The following C12orf50 variants were observed in gnomAD, a reference collection of about 807,000 sequenced individuals.
The protein encoded by C12orf50 is zinc finger CCCH-type containing 11D.
C12orf50 carries 35 observed loss-of-function variants against 61.6 expected under a neutral mutation model. The observed-to-expected ratio is 0.57, with a 90% confidence interval of 0.43 to 0.75. C12orf50 has a LOEUF of 0.75. C12orf50 is among the 30% of genes least tolerant of loss of function. The pLI, the probability that C12orf50 is intolerant of heterozygous loss-of-function variation, is 0.00. For synonymous variants in C12orf50, 178 were observed against 161.5 expected (o/e 1.10, Z -0.77); for missense variants, 475 against 488.5 (o/e 0.97, Z 0.26).
At chr12:87,985,570 T>G in intron 11 of C12orf50, 1 of 417,192 alleles carries the variant, frequency 2.4e-6, no homozygotes, top group Non-Finnish European at 4.3e-6. Context: ...CTGAGTGACA[T>G]GAAGCTGTCC....
intron 12 of C12orf50, among the ~76,000 whole-genome samples, chr12:87,982,815 G>C (rs1372307442): frequency 1.3e-5 from 2 of 148,666 alleles, no homozygotes; most frequent in Admixed American, 1.3e-4. Flanking sequence ...AAAAAAAAAT[G>C]CATCTTAACG....
Position 87,985,949 on chromosome 12 carries a change from T to A in C12orf50, c.1027A>T (p.Arg343Trp). Reference sequence around the variant, plus strand: ...GAAGGTGCATTCAACGCGACAGTCCTGACAGCATCTCTTTGAACGTGGATA... The same window carrying A: ...GAAGGTGCATTCAACGCGACAGTCCAGACAGCATCTCTTTGAACGTGGATA... ...SYIHVQRDAV[R>W]TVALNAPSRS... The change falls in exon 11 of 13, where the codon AGG (arginine) becomes TGG (tryptophan). Residue 343 changes from arginine (R) to tryptophan (W), a missense_variant. Coordinates refer to ENST00000298699, the MANE Select transcript of C12orf50 (RefSeq NM_152589.3). 6.2e-7 allele frequency: 1 copy of A among 1,613,922 alleles called. No homozygotes were observed. The highest frequency in any genetic ancestry group is 8.5e-7 in the Non-Finnish European group (1 of 1,179,876).
At chr12:87,986,587 C>CA (rs987338874) in intron 9 of C12orf50, among the ~76,000 whole-genome samples, 171 bp from the exon 10 acceptor site, 2 of 151,866 alleles carry the variant, frequency 1.3e-5, no homozygotes, top group Non-Finnish European at 2.9e-5. Flanking sequence ...TTTTAAGTGC[C>CA]AAAAAAATCT....
chr12:88,005,492 T>C (rs373148248), intron 3 of C12orf50, among the ~76,000 whole-genome samples: 2 of 152,174 alleles, frequency 1.3e-5, no homozygotes. Context: ...TAATGCCCCA[T>C]TGTTTTCATC....
chr12:88,004,009 T>G (rs2031755714), intron 3 of C12orf50, among the ~76,000 whole-genome samples: 1 of 152,140 alleles, frequency 6.6e-6, no homozygotes, highest in Admixed American at 6.5e-5. Context: ...AATCTACTGG[T>G]TCTTTCTTTT....
At chr12:88,009,541 G>A (rs1370871855) in intron 3 of C12orf50, among the ~76,000 whole-genome samples, 4 of 151,822 alleles carry the variant, frequency 2.6e-5, no homozygotes, top group Non-Finnish European at 4.4e-5. Flanking sequence ...GACAATGTCT[G>A]GATATATTTT....
chr12:88,020,848 A>G (rs1306197101), intron 3 of C12orf50, among the ~76,000 whole-genome samples: 2 of 152,144 alleles, frequency 1.3e-5, no homozygotes, highest in African/African-American at 4.8e-5. Context: ...CCCTCAGGCC[A>G]CAGCACAATA....
chr12:88,015,098 T>C (rs2032262851), intron 3 of C12orf50, among the ~76,000 whole-genome samples: 1 of 152,144 alleles, frequency 6.6e-6, no homozygotes, highest in African/African-American at 2.4e-5. Context: ...TCTCGGGGGC[T>C]ACCATTTGAT....
chr12:88,008,089 G>C (rs2031956432), intron 3 of C12orf50, among the ~76,000 whole-genome samples: 1 of 151,856 alleles, frequency 6.6e-6, no homozygotes, highest in East Asian at 1.9e-4. Flanking sequence ...TTCAGTTCAG[G>C]GGTACACGTG....
In C12orf50 at chr12:87,986,292, C is replaced by A; in HGVS notation, c.922+20G>T. ...TTTTAAAATTACAATTTAGAAATAT[C>A]AAATATATAGACACCTTACCTCTCT... On this transcript the variant is annotated intron_variant, in intron 10 of 12. Transcript: ENST00000298699. 1 of 1,492,574 alleles carries A rather than the reference C, an allele frequency of 6.7e-7. No homozygotes were observed. The highest frequency in any genetic ancestry group is 1.2e-5 in the South Asian group (1 of 81,406). The allele number at this position is 1,492,574 out of a possible 1,614,324, so 92.5% of individuals were successfully genotyped here.
In C12orf50 at chr12:87,983,207, A is replaced by C. The variant is rs771658663; in HGVS notation, c.1127-12T>G. ...TGACGTATATTTGTCTGAGGGAAAAAAATCCAGAATTAAATATTTTATAAC... is the reference window on the plus strand; with the variant it reads ...TGACGTATATTTGTCTGAGGGAAAACAATCCAGAATTAAATATTTTATAAC... On this transcript the variant is annotated splice_polypyrimidine_tract_variant and intron_variant, in intron 11 of 12. Coordinates refer to ENST00000298699, the MANE Select transcript of C12orf50 (RefSeq NM_152589.3). 6.5e-7 allele frequency: 1 copy of C among 1,534,252 alleles called. No homozygotes were observed. Among genetic ancestry groups the C allele is most frequent in the South Asian group, 1.2e-5 (1 of 85,012 alleles).
upstream of C12orf50, chr12:88,030,121 A>G (rs931659436): frequency 4.9e-5 from 8 of 161,624 alleles, no homozygotes; most frequent in African/African-American, 1.9e-4. Flanking sequence ...GTCCGTTTTC[A>G]TGCTGCTGAT....
chr12:88,000,975 T>C (rs2031632907), intron 3 of C12orf50, among the ~76,000 whole-genome samples: 1 of 151,878 alleles, frequency 6.6e-6, no homozygotes, highest in Non-Finnish European at 1.5e-5. Context: ...AGAGATAATG[T>C]TGCTCTTTCT....
chr12:87,991,877 C>T (rs2031138962), intron 7 of C12orf50, among the ~76,000 whole-genome samples: 1 of 152,188 alleles, frequency 6.6e-6, no homozygotes, highest in African/African-American at 2.4e-5. Flanking sequence ...TATCAATACT[C>T]ATGGTGCTTT....
intron 7 of C12orf50, among the ~76,000 whole-genome samples, chr12:87,992,443 G>A (rs1029412738): frequency 1.2e-4 from 18 of 151,866 alleles, no homozygotes; most frequent in African/African-American, 4.1e-4. Context: ...AAATGCCCAC[G>A]TTTGTTTTCA....
intron 3 of C12orf50, among the ~76,000 whole-genome samples, chr12:88,011,733 C>A (rs557746288): frequency 6.6e-6 from 1 of 152,236 alleles, no homozygotes; most frequent in Admixed American, 6.5e-5. Context: ...TCTGGAGTAA[C>A]TGTAGTACAT....
At position 87,987,458 on chromosome 12, in the gene C12orf50, T is replaced by C. The variant is rs559382374; in HGVS notation, c.817+392A>G. On this transcript the variant is annotated intron_variant, in intron 9 of 12. Coordinates refer to ENST00000298699, the MANE Select transcript of C12orf50 (RefSeq NM_152589.3). ...ATCAGGAAGATTCACAAGTCTTAAC[T>C]GTATCAAGAGAAGTAGCTCACTGAA... 5.3e-5 allele frequency among the ~76,000 whole-genome samples: 8 copies of C among 152,228 alleles called. No homozygotes were observed. In the South Asian group the frequency reaches 1.2e-3, roughly 24 times the overall value.
intron 12 of C12orf50, among the ~76,000 whole-genome samples, chr12:87,982,715 C>G (rs1363173264): frequency 6.6e-6 from 1 of 151,752 alleles, no homozygotes; most frequent in African/African-American, 2.4e-5. Flanking sequence ...CCTATACCAG[C>G]CAATATTTGT....
intron 1 of C12orf50, among the ~76,000 whole-genome samples, chr12:88,028,461 A>G (rs1592692521): frequency 6.6e-6 from 1 of 152,180 alleles, no homozygotes; most frequent in East Asian, 1.9e-4. Context: ...TAAGATCTAT[A>G]CATCCTAATA....
Sources: gnomAD v4.1 joint callset for allele counts (sites outside exome capture counted in the v4.1 genomes callset) on GRCh38, gnomAD v4.1.1 for gene constraint, MANE v1.5 for transcripts, NCBI Gene and HGNC (gene_info 2026-07-23, HGNC 2026-07-21) for gene names.